KIF26B: variants seen among roughly 807,000 people sequenced by gnomAD.
The protein encoded by KIF26B is kinesin-like protein KIF26B.
In KIF26B, 63 loss-of-function variants were observed where a neutral mutation model predicts 151.2. The observed-to-expected ratio is 0.42, with a 90% confidence interval of 0.34 to 0.51. The LOEUF is 0.51. Ranked by LOEUF, KIF26B falls within the 20% of genes least tolerant of loss-of-function variation. KIF26B has a pLI of 0.07. For synonymous variants in KIF26B, 1,357 were observed against 1,262.1 expected (o/e 1.08, Z -1.59); for missense variants, 2,813 against 2,913.6 (o/e 0.97, Z 0.79).
chr1:245,680,101 G>C (rs1211929488), intron 10 of KIF26B, among the ~76,000 whole-genome samples: 1 of 152,094 alleles, frequency 6.6e-6, no homozygotes, highest in African/African-American at 2.4e-5. Flanking sequence ...TGTTGCCCTG[G>C]AAACTCTTTT....
At chr1:245,189,363 C>T (rs1249453626) in intron 2 of KIF26B, among the ~76,000 whole-genome samples, 2 of 152,104 alleles carry the variant, frequency 1.3e-5, no homozygotes, top group Non-Finnish European at 2.9e-5. Context: ...CCCAGGAAAA[C>T]AAAAGATAAT....
chr1:245,460,811 T>C (rs1659630309), intron 4 of KIF26B, among the ~76,000 whole-genome samples: 1 of 152,354 alleles, frequency 6.6e-6, no homozygotes, highest in South Asian at 2.1e-4. Context: ...GGTGCCACCC[T>C]GTCCAGAGTT....
At chr1:245,514,273 T>C (rs1420085278) in intron 4 of KIF26B, among the ~76,000 whole-genome samples, 1 of 152,138 alleles carries the variant, frequency 6.6e-6, no homozygotes, top group East Asian at 1.9e-4. Flanking sequence ...ACACCTGTAA[T>C]CCCAGCACTT....
rs558229298 is a variant in KIF26B, at chr1:245,686,103, C to G, written c.3120C>G (p.Ser1040Arg). ...SQHSASPLVQ[S>R]PSLQSSRESL... is the part of the protein sequence containing the mutation. ...ACAGCGCCTCCCCACTCGTGCAGAGCCCCAGCCTCCAGAGCAGCCGGGAGA... is the reference window on the plus strand; with the variant it reads ...ACAGCGCCTCCCCACTCGTGCAGAGGCCCAGCCTCCAGAGCAGCCGGGAGA... The change falls in exon 12 of 15, where the codon AGC becomes AGG. Residue 1040 changes from serine to arginine, a missense_variant. Physicochemically the swap from Ser to Arg is moderately radical, Grantham distance 110. Transcript: ENST00000407071. This position sits in a 1 kb window ranked among gnomAD's most constrained non-coding sequence, Gnocchi z 5.6. The G allele has an allele frequency of 5.5e-5, 88 of 1,607,974 alleles. No homozygotes were observed. Among genetic ancestry groups the G allele is most frequent in the Non-Finnish European group, 7.2e-5 (85 of 1,177,734 alleles).
In KIF26B at chr1:245,684,414, G is replaced by A. The variant is rs775925770; in HGVS notation, c.2421+19G>A. 4.0e-6 allele frequency: 6 copies of A among 1,483,492 alleles called. No individual in the cohort carries two copies. The highest frequency in any genetic ancestry group is 2.9e-5 in the East Asian group (1 of 34,408). 91.9% of individuals were successfully genotyped at this position (1,483,492 alleles called of 1,614,324 possible). On this transcript the variant is annotated intron_variant, in intron 11 of 14. Transcript: ENST00000407071. ...GACGAAGGTAAGGAGCTCGCGGGGT[G>A]GGGGGGTGGTGGATGAGGGAGCCTT...
At chr1:245,356,384 C>T (rs1040461874) in intron 2 of KIF26B, among the ~76,000 whole-genome samples, 1 of 152,024 alleles carries the variant, frequency 6.6e-6, no homozygotes, top group Non-Finnish European at 1.5e-5. Flanking sequence ...GGTGAAACTC[C>T]GTCTCTACTA....
intron 2 of KIF26B, among the ~76,000 whole-genome samples, chr1:245,253,877 C>T (rs1268540193): frequency 2.0e-5 from 3 of 147,338 alleles, no homozygotes; most frequent in East Asian, 2.0e-4. Context: ...TGGCGCGATC[C>T]CTGCTCACTG....
In KIF26B at chr1:245,318,235, GACAAA is replaced by G. The variant is rs765535553; in HGVS notation, c.466-48593_466-48589del. On this transcript the variant is annotated intron_variant, in intron 2 of 14. Coordinates refer to ENST00000407071, the MANE Select transcript of KIF26B (RefSeq NM_018012.4). The surrounding 1 kb of genome is among the most constrained non-coding windows in gnomAD (Gnocchi z 4.0). ...ACACACAACAGACAGGGCACTGTAA[GACAAA>G]ACAAATCAATCAGTCAACGTCAACT... Among the ~76,000 whole-genome samples, 10 of 152,158 alleles carry G rather than the reference GACAAA, an allele frequency of 6.6e-5. No individual in the cohort carries two copies. The highest frequency in any genetic ancestry group is 2.1e-4 in the South Asian group (1 of 4,822).
In KIF26B at chr1:245,483,380, G is replaced by A. The variant is rs1177380053; in HGVS notation, c.1167-57387G>A. Among the ~76,000 whole-genome samples the A allele has an allele frequency of 3.3e-5, 5 of 151,798 alleles. 1 individual carries two copies. The highest frequency in any genetic ancestry group is 7.4e-5 in the Non-Finnish European group (5 of 67,846). ...AGAGCTGTCCGAGGTCACCCAGCTG[G>A]GGTTGCAATCCAGGTCTGCCTGACC... is the stretch of plus-strand genomic sequence containing the variant. On this transcript the variant is annotated intron_variant, in intron 4 of 14. Transcript: ENST00000407071.
chr1:245,683,129 A>G (rs72764843), intron 10 of KIF26B, among the ~76,000 whole-genome samples: 3,024 of 152,270 alleles, frequency 0.02, 67 homozygotes, highest in African/African-American at 0.055. Flanking sequence ...GTCACGTGTA[A>G]AATGGTCTGC....
At chr1:245,659,410 G>A (rs1049660778) in intron 10 of KIF26B, among the ~76,000 whole-genome samples, 27 of 152,096 alleles carry the variant, frequency 1.8e-4, no homozygotes, top group Non-Finnish European at 3.2e-4. Flanking sequence ...CTTTGTGCCC[G>A]CAGGCTTCCT....
rs35859643 is a variant in KIF26B at position 245,660,989 on chromosome 1, C to CTT, written c.2258+14722_2258+14723dup. Among the ~76,000 whole-genome samples the CTT allele has an allele frequency of 3.0e-3, 418 of 138,730 alleles. 3 individuals carry two copies. The highest frequency in any genetic ancestry group is 7.6e-3 in the Middle Eastern group (2 of 264). The allele number at this position is 138,730 out of a possible 152,430, so 91.0% of individuals were successfully genotyped here. On this transcript the variant is annotated intron_variant, in intron 10 of 14. Coordinates refer to ENST00000407071, the MANE Select transcript of KIF26B (RefSeq NM_018012.4). ...CCACCATCCCTGGCTTTTCTTTTTT[C>CTT]TTTTTTTTTTTTTTGGAGACAGAGT... is the stretch of plus-strand genomic sequence containing the variant.
rs34337176 is a variant in KIF26B, at chr1:245,673,023, G to A, written c.2259-11210G>A. 2.3e-3 allele frequency among the ~76,000 whole-genome samples: 343 copies of A among 149,128 alleles called. 1 individual carries two copies. Among genetic ancestry groups the A allele is most frequent in the Non-Finnish European group, 2.9e-3 (194 of 67,116 alleles). ...GCCCCATAATGCACCCAGTCCCCAC[G>A]GCGCGCTGCCATCTTAGGCCCAGTC... On this transcript the variant is annotated intron_variant, in intron 10 of 14. Coordinates refer to ENST00000407071, the MANE Select transcript of KIF26B (RefSeq NM_018012.4).
chr1:245,617,350 G>A (rs1261674410), intron 9 of KIF26B, among the ~76,000 whole-genome samples: 1 of 152,130 alleles, frequency 6.6e-6, no homozygotes, highest in Non-Finnish European at 1.5e-5. Flanking sequence ...CACCCACCTC[G>A]GCCTCCCCAA....
In KIF26B at chr1:245,702,998, A is replaced by G. The variant is rs1346790310; in HGVS notation, c.*392A>G. 5.3e-6 allele frequency: 1 copy of G among 188,248 alleles called. No homozygotes were observed. Among genetic ancestry groups the G allele is most frequent in the Non-Finnish European group, 1.1e-5 (1 of 92,162 alleles). 11.7% of individuals were successfully genotyped at this position (188,248 alleles called of 1,614,324 possible). A position where few individuals can be genotyped will look rare whatever the true frequency, so the allele number is the denominator to read the frequency against. ...GGAAAGCGAACACAAAACAACCCAG[A>G]ATGACTGATTAAGTGCCTTGCAAAT... On this transcript the variant is annotated 3_prime_UTR_variant, in exon 15 of 15. Coordinates refer to ENST00000407071, the MANE Select transcript of KIF26B (RefSeq NM_018012.4). This position sits in a 1 kb window ranked among gnomAD's most constrained non-coding sequence, Gnocchi z 4.1.
intron 2 of KIF26B, among the ~76,000 whole-genome samples, chr1:245,279,749 T>A (rs1671005379): frequency 1.3e-5 from 2 of 152,298 alleles, no homozygotes; most frequent in Admixed American, 1.3e-4. Context: ...CACTCTTTTT[T>A]TTTTTTAGCT....
At chr1:245,171,266 C>CG (rs1668702242) in intron 2 of KIF26B, among the ~76,000 whole-genome samples, 1 of 152,092 alleles carries the variant, frequency 6.6e-6, no homozygotes, top group South Asian at 2.1e-4. Flanking sequence ...TACATGGGGC[C>CG]CGCACGGTGG....
chr1:245,433,477 A>AAAG (rs549915125), intron 4 of KIF26B, among the ~76,000 whole-genome samples: 40,038 of 147,440 alleles, frequency 0.27, 5,729 homozygotes, highest in South Asian at 0.33. Context: ...AAAAAAAAAA[A>AAAG]AAGAAGAAGA....
At chr1:245,370,065 A>G (rs933249995) in intron 3 of KIF26B, among the ~76,000 whole-genome samples, 5 of 152,216 alleles carry the variant, frequency 3.3e-5, no homozygotes, top group African/African-American at 1.2e-4. Context: ...GTAAAATAAA[A>G]TTTAAAATAC....
Sources: allele counts gnomAD v4.1 joint callset (sites outside exome capture counted in the v4.1 genomes callset), GRCh38; gene constraint gnomAD v4.1.1; non-coding constraint Gnocchi (gnomAD v3.1); transcripts MANE v1.5; gene names NCBI Gene and HGNC (gene_info 2026-07-23, HGNC 2026-07-21).